SPOCK2: variants seen among roughly 807,000 people sequenced by gnomAD.
SPOCK2 encodes the protein testican-2.
SPOCK2 carries 39 observed loss-of-function variants against 60.1 expected under a neutral mutation model. The observed-to-expected ratio is 0.65, with a 90% CI of 0.50 to 0.85. The LOEUF is 0.85. Among genes scored for constraint, SPOCK2 ranks in the 40% least tolerant of loss-of-function variants. The pLI is 0.00. For missense variants in SPOCK2, 523 were observed against 567.4 expected (o/e 0.92, Z 0.80); for synonymous variants, 217 against 231.5 (o/e 0.94, Z 0.57).
chr10:72,068,242 GC>G lies in SPOCK2; in HGVS notation c.533del (p.Gly178AlafsTer54). 1 of 1,611,908 alleles carries G rather than the reference GC, an allele frequency of 6.2e-7. No individual in the cohort carries two copies. ...SSKQLAVRCE[G>X]PCPCPTEQAA... ...CCTGCTCCGTGGGGCAGGGGCAGGG[GC>G]CCTCGCATCGCACCGCCAGCTGCTT... is the stretch of plus-strand genomic sequence containing the variant. On this transcript the variant is annotated frameshift_variant, in exon 6 of 11. Coordinates refer to ENST00000373109, the MANE Select transcript of SPOCK2 (RefSeq NM_001244950.2). LOFTEE classifies it high-confidence loss of function.
Position 72,088,346 on chromosome 10 carries a change from C to G in SPOCK2, c.-18G>C. The G allele has an allele frequency of 6.7e-7, 1 of 1,497,732 alleles. No homozygotes were observed. The highest frequency in any genetic ancestry group is 8.8e-7 in the Non-Finnish European group (1 of 1,139,078). The allele number at this position is 1,497,732 out of a possible 1,614,324, so 92.8% of individuals were successfully genotyped here. A position where few individuals can be genotyped will look rare whatever the true frequency, so the allele number is the denominator to read the frequency against. ...GCGCGCATCGTGGTCTGGGTTCGAC[C>G]TGGGGGGGTCTTGACTTCTGCAGTA... On this transcript the variant is annotated 5_prime_UTR_variant, in exon 1 of 11. Transcript: ENST00000373109.
chr10:72,063,418 C>T (rs1840524841), intron 9 of SPOCK2, among the ~76,000 whole-genome samples: 1 of 152,218 alleles, frequency 6.6e-6, no homozygotes, highest in Non-Finnish European at 1.5e-5. Flanking sequence ...AGCTCCCAGC[C>T]GCCCCATCAG....
intron 1 of SPOCK2, among the ~76,000 whole-genome samples, chr10:72,084,716 A>C (rs1840832103): frequency 6.6e-6 from 1 of 152,228 alleles, no homozygotes; most frequent in African/African-American, 2.4e-5. Context: ...CTTACTAGCT[A>C]TTTGACCTTT....
Position 72,067,493 on chromosome 10 carries a change from G to C in SPOCK2, c.709+120C>G. ...GGGGTGAAGGTTCTTTTGGGGCCCAGATTGTAGGGCCCAGAGTCTGGCAGG... is the reference window on the plus strand; with the variant it reads ...GGGGTGAAGGTTCTTTTGGGGCCCACATTGTAGGGCCCAGAGTCTGGCAGG... On this transcript the variant is annotated intron_variant, in intron 7 of 10. Coordinates refer to ENST00000373109, the MANE Select transcript of SPOCK2 (RefSeq NM_001244950.2). 14 of 1,509,802 alleles carry C rather than the reference G, an allele frequency of 9.3e-6. No individual in the cohort carries two copies. The South Asian group carries it at 1.8e-4, about 19-fold the overall frequency. 93.5% of individuals were successfully genotyped at this position (1,509,802 alleles called of 1,614,324 possible).
At chr10:72,067,193 C>A in intron 7 of SPOCK2, 73 bp from the exon 8 acceptor site, 1 of 1,434,140 alleles carries the variant, frequency 7.0e-7, no homozygotes, top group South Asian at 1.3e-5. Flanking sequence ...ATCTCTCCGC[C>A]TCGCCATCAG....
intron 1 of SPOCK2, among the ~76,000 whole-genome samples, chr10:72,077,793 G>A (rs901871053): frequency 2.0e-5 from 3 of 152,018 alleles, no homozygotes; most frequent in Non-Finnish European, 4.4e-5. Context: ...CACGCTTACC[G>A]TGCCACCCTC....
rs903675543 is a variant in SPOCK2, at chr10:72,067,468, G to A, written c.709+145C>T. On this transcript the variant is annotated intron_variant, in intron 7 of 10. Coordinates refer to ENST00000373109, the MANE Select transcript of SPOCK2 (RefSeq NM_001244950.2). Reference sequence around the variant, plus strand: ...TGCTCTGGTGGAAGCCGACTTCTTTGGGGTGAAGGTTCTTTTGGGGCCCAG... The same window carrying A: ...TGCTCTGGTGGAAGCCGACTTCTTTAGGGTGAAGGTTCTTTTGGGGCCCAG... The A allele has an allele frequency of 9.3e-6, 13 of 1,400,952 alleles. No individual in the cohort carries two copies. The African/African-American group carries it at 1.7e-4, about 18-fold the overall frequency. 86.8% of individuals were successfully genotyped at this position (1,400,952 alleles called of 1,614,324 possible).
rs193273481 is a variant in SPOCK2 at position 72,083,406 on chromosome 10, G to C, written c.189+4734C>G. ...CAGGAAAATCAAGGCCCAGAAAGGT[G>C]AAGTGGCTGCTGCAAGGTCACACAG... On this transcript the variant is annotated intron_variant, in intron 1 of 10. Coordinates refer to ENST00000373109, the MANE Select transcript of SPOCK2 (RefSeq NM_001244950.2). Among the ~76,000 whole-genome samples, 167 of 152,376 alleles carry C rather than the reference G, an allele frequency of 1.1e-3. No homozygotes were observed. The South Asian group carries it at 0.015, about 14-fold the overall frequency.
At position 72,072,249 on chromosome 10, in the gene SPOCK2, G is replaced by A. The variant is rs139935809; in HGVS notation, c.254C>T (p.Thr85Ile). ...DNQQGDEALD[T>I]TKDPCQKVKC... The stretch of plus-strand genomic sequence containing the variant: ...CACCTTCTGGCAGGGGTCCTTGGTG[G>A]TATCCAGGGCTGCAGGGGCACAGAG... Residue 85 changes from threonine (T) to isoleucine (I), a missense_variant, in exon 4 of 11, where the codon ACC (threonine) becomes ATC (isoleucine). Thr to Ile is a moderately conservative substitution (Grantham distance 89). Transcript: ENST00000373109. The A allele has an allele frequency of 7.1e-5, 109 of 1,537,058 alleles. No homozygotes were observed. The African/African-American group carries it at 1.4e-3, about 20-fold the overall frequency.
In SPOCK2 at chr10:72,087,531, C is replaced by T. The variant is rs1840877255; in HGVS notation, c.189+609G>A. Among the ~76,000 whole-genome samples, 1 of 152,178 alleles carries T rather than the reference C, an allele frequency of 6.6e-6. No individual in the cohort carries two copies. Among genetic ancestry groups the T allele is most frequent in the Non-Finnish European group, 1.5e-5 (1 of 68,036 alleles). ...CCTTCTGCACGGGGACCCCAGCCCA[C>T]CCCCGTACGGACACGCCTTCCACCA... On this transcript the variant is annotated intron_variant, in intron 1 of 10. Coordinates refer to ENST00000373109, the MANE Select transcript of SPOCK2 (RefSeq NM_001244950.2). This position sits in a 1 kb window ranked among gnomAD's most constrained non-coding sequence, Gnocchi z 4.7.
At chr10:72,071,065 C>T (rs924595726) in intron 4 of SPOCK2, among the ~76,000 whole-genome samples, 3 of 152,184 alleles carry the variant, frequency 2.0e-5, no homozygotes, top group African/African-American at 7.2e-5. Context: ...AAGACTGCAA[C>T]CCCATCTTTC....
chr10:72,070,061 C>G, intron 5 of SPOCK2: 1 of 433,964 alleles, frequency 2.3e-6, no homozygotes, highest in Admixed American at 3.9e-5. Flanking sequence ...GTGTCTCTTC[C>G]AGGCCCCACT....
Position 72,067,047 on chromosome 10 carries a change from A to G in SPOCK2, c.783T>C (p.Ala261=), listed in dbSNP as rs1471314580. ...GWMFSKLDTS[A]DLFLDQTELA... is the part of the protein sequence containing the mutation. ...GCTCCGTCTGGTCCAGGAAGAGGTC[A>G]GCACTGGTGTCCAGCTTGGAGAACA... Residue 261 remains alanine, a synonymous_variant, in exon 8 of 11, where the codon GCT becomes GCC. Transcript: ENST00000373109. 6.2e-7 allele frequency: 1 copy of G among 1,614,256 alleles called. No homozygotes were observed. Among genetic ancestry groups the G allele is most frequent in the Non-Finnish European group, 8.5e-7 (1 of 1,180,048 alleles).
intron 1 of SPOCK2, among the ~76,000 whole-genome samples, chr10:72,077,371 C>G (rs766204888): frequency 6.6e-6 from 1 of 152,144 alleles, no homozygotes; most frequent in Admixed American, 6.5e-5. Context: ...CTCAAGTGAT[C>G]CTCCTCCCTC....
At chr10:72,067,871 G>C in intron 6 of SPOCK2, 139 bp from the exon 7 acceptor site, 1 of 1,359,838 alleles carries the variant, frequency 7.4e-7, no homozygotes, top group South Asian at 1.4e-5. Context: ...GTGGAAATCG[G>C]GGGCTTCCTC....
chr10:72,075,578 A>G (rs986132802), intron 1 of SPOCK2, among the ~76,000 whole-genome samples: 3 of 152,190 alleles, frequency 2.0e-5, no homozygotes, highest in Admixed American at 2.0e-4. Flanking sequence ...CCAAGAATTT[A>G]TGATTAGAAA....
chr10:72,076,177 G>A (rs1840712878), intron 1 of SPOCK2, among the ~76,000 whole-genome samples: 1 of 152,164 alleles, frequency 6.6e-6, no homozygotes, highest in Admixed American at 6.5e-5. Context: ...AGGTCTTGTG[G>A]GGAGGAATGA....
chr10:72,080,946 A>G (rs564172876), intron 1 of SPOCK2, among the ~76,000 whole-genome samples: 1 of 152,158 alleles, frequency 6.6e-6, no homozygotes, highest in South Asian at 2.1e-4. Context: ...GGTGGCCCCA[A>G]TAGTCCATAA....
At chr10:72,064,368 G>A in intron 8 of SPOCK2, 128 bp from the exon 9 acceptor site, 2 of 1,041,608 alleles carry the variant, frequency 1.9e-6, no homozygotes, top group South Asian at 1.8e-5. Context: ...CTGACACGGG[G>A]TCACCCCACA....
Sources: gnomAD v4.1 joint callset for allele counts (sites outside exome capture counted in the v4.1 genomes callset) on GRCh38, gnomAD v4.1.1 for gene constraint, Gnocchi (gnomAD v3.1) non-coding constraint, MANE v1.5 for transcripts, NCBI Gene and HGNC (gene_info 2026-07-23, HGNC 2026-07-21) for gene names.